ZMYM2: variants seen among roughly 807,000 people sequenced by gnomAD.
The protein encoded by ZMYM2 is zinc finger MYM-type protein 2.
ZMYM2 carries 56 observed loss-of-function variants against 162.8 expected under a neutral mutation model. The observed-to-expected ratio is 0.34, with a 90% confidence interval of 0.28 to 0.43. The LOEUF (loss-of-function observed/expected upper bound fraction) is 0.43, where lower values mean the gene tolerates loss of function less well. Ranked by LOEUF, ZMYM2 falls within the 20% of genes least tolerant of loss-of-function variation. ZMYM2 has a pLI of 1.00. For synonymous variants in ZMYM2, 510 were observed against 541.6 expected (o/e 0.94, Z 0.81); for missense variants, 1,275 against 1,621.8 (o/e 0.79, Z 3.67).
chr13:19,948,267 A>G, the ZMYM2 span, among the ~76,000 whole-genome samples: 6 of 152,240 alleles, frequency 3.9e-5, no homozygotes, highest in Non-Finnish European at 8.8e-5. Flanking sequence ...AAACGAGTTG[A>G]AAAGTTATGT....
At chr13:19,894,222 TA>T in the ZMYM2 span, among the ~76,000 whole-genome samples, 2 of 151,924 alleles carry the variant, frequency 1.3e-5, no homozygotes, top group African/African-American at 4.9e-5. Context: ...CCAGTACACT[TA>T]ACCTACTTAA....
chr13:19,922,660 C>T, the ZMYM2 span, among the ~76,000 whole-genome samples: 29 of 151,886 alleles, frequency 1.9e-4, no homozygotes, highest in African/African-American at 5.1e-4. Flanking sequence ...CTGGCTAACA[C>T]GGTGAAACCC....
chr13:20,038,008 A>G (rs530113707), intron 12 of ZMYM2, among the ~76,000 whole-genome samples: 35 of 152,232 alleles, frequency 2.3e-4, no homozygotes, highest in Non-Finnish European at 4.4e-4. Flanking sequence ...TTGTGTTCTC[A>G]TCATTTAGCT....
chr13:19,914,312 C>T, the ZMYM2 span, among the ~76,000 whole-genome samples: 5 of 152,338 alleles, frequency 3.3e-5, no homozygotes, highest in South Asian at 8.3e-4. Flanking sequence ...ATTCTGTGGA[C>T]ACCAGTTTGC....
intron 2 of ZMYM2, among the ~76,000 whole-genome samples, chr13:19,962,511 ATATATTT>A (rs1955336819): frequency 1.8e-5 from 1 of 54,452 alleles, no homozygotes; most frequent in African/African-American, 6.5e-5. Flanking sequence ...ATATATATAT[ATATATTT>A]TTTTTTTTTT....
At chr13:19,909,274 A>G in the ZMYM2 span, among the ~76,000 whole-genome samples, 2 of 152,052 alleles carry the variant, frequency 1.3e-5, no homozygotes. Flanking sequence ...AATCTTTCCA[A>G]TTGTTGGAAA....
chr13:20,063,903 A>ATATTATATACATCATGATG (rs1956464354), intron 18 of ZMYM2, among the ~76,000 whole-genome samples: 1 of 9,626 alleles, frequency 1.0e-4, no homozygotes, highest in Non-Finnish European at 7.1e-4. Context: ...ATATAATTTT[A>ATATTATATACATCATGATG]TATATAATAT....
chr13:19,892,413 A>G, the ZMYM2 span, among the ~76,000 whole-genome samples: 8 of 151,178 alleles, frequency 5.3e-5, no homozygotes, highest in Non-Finnish European at 1.0e-4. Context: ...CCGGGACTAC[A>G]GGCGCCCACC....
chr13:19,974,961 C>T (rs905936315), intron 2 of ZMYM2, among the ~76,000 whole-genome samples: 1 of 152,004 alleles, frequency 6.6e-6, no homozygotes, highest in African/African-American at 2.4e-5. Flanking sequence ...GGTGGCCTTT[C>T]AGAATTTAAG....
At chr13:20,074,781 G>A (rs748568292) in intron 21 of ZMYM2, among the ~76,000 whole-genome samples, 7 of 151,158 alleles carry the variant, frequency 4.6e-5, no homozygotes, top group Non-Finnish European at 5.9e-5. Flanking sequence ...CTCGTGATCC[G>A]CCTGCCTTGG....
the ZMYM2 span, among the ~76,000 whole-genome samples, chr13:19,896,110 G>T: frequency 6.7e-6 from 1 of 149,562 alleles, no homozygotes. Flanking sequence ...CAATCAACAT[G>T]ACTATAAAAA....
chr13:20,006,482 T>C lies in ZMYM2; in HGVS notation c.1408T>C (p.Cys470Arg). The C allele has an allele frequency of 6.2e-7, 1 of 1,613,588 alleles. No homozygotes were observed. The highest frequency in any genetic ancestry group is 8.5e-7 in the Non-Finnish European group (1 of 1,179,742). The change falls in exon 6 of 25, where the codon TGT becomes CGT. Residue 470 changes from cysteine (C) to arginine (R), a missense_variant. Cys to Arg is a radical substitution (Grantham distance 180). Coordinates refer to ENST00000610343, the MANE Select transcript of ZMYM2 (RefSeq NM_197968.4). ...NGLIMNCCEQ[C>R]GEYLPSKGAG... ...TTTAATAATGAATTGCTGTGAACAG[T>C]GTGGAGAGTACTTGCCCAGTAAAGG...
intron 14 of ZMYM2, 135 bp downstream of exon 14, chr13:20,052,446 CAGCTGAATTAT>C: frequency 3.0e-6 from 2 of 676,638 alleles, no homozygotes; most frequent in Non-Finnish European, 4.7e-6. Flanking sequence ...GTGGAGTATT[CAGCTGAATTAT>C]ATTAATACCA....
the ZMYM2 span, among the ~76,000 whole-genome samples, chr13:19,892,381 C>T: frequency 6.6e-6 from 1 of 151,874 alleles, no homozygotes. Flanking sequence ...ACGCCATTCT[C>T]CTGCCTCAGC....
intron 12 of ZMYM2, among the ~76,000 whole-genome samples, chr13:20,050,289 A>G (rs1955200369): frequency 6.6e-6 from 1 of 152,016 alleles, no homozygotes; most frequent in Non-Finnish European, 1.5e-5. Context: ...CTGTTTGTCA[A>G]CACAGTCATT....
chr13:19,882,943 C>T, the ZMYM2 span, among the ~76,000 whole-genome samples: 2 of 152,036 alleles, frequency 1.3e-5, no homozygotes, highest in African/African-American at 4.8e-5. Context: ...CAAATAAATA[C>T]TTATACATCA....
At chr13:20,056,942 G>A (rs567467444) in intron 14 of ZMYM2, among the ~76,000 whole-genome samples, 1 of 152,186 alleles carries the variant, frequency 6.6e-6, no homozygotes, top group East Asian at 1.9e-4. Context: ...GCCACTTTGG[G>A]TAAGAAAATC....
intron 12 of ZMYM2, among the ~76,000 whole-genome samples, chr13:20,042,029 T>C (rs1473600432): frequency 6.6e-6 from 1 of 152,218 alleles, no homozygotes; most frequent in East Asian, 1.9e-4. Flanking sequence ...CTGATGATTA[T>C]GTGCCTTGAG....
the ZMYM2 span, among the ~76,000 whole-genome samples, chr13:19,917,055 C>T: frequency 5.3e-5 from 8 of 152,216 alleles, no homozygotes; most frequent in East Asian, 1.6e-3. Flanking sequence ...CTCTGCCTCC[C>T]GGGTTCACGC....
Sources: allele counts gnomAD v4.1 joint callset (sites outside exome capture counted in the v4.1 genomes callset), GRCh38; gene constraint gnomAD v4.1.1; transcripts MANE v1.5; gene names NCBI Gene and HGNC (gene_info 2026-07-23, HGNC 2026-07-21).